The following DNAH5 variants were observed in gnomAD, a reference collection of about 807,000 sequenced individuals.
DNAH5 encodes the protein axonemal beta dynein heavy chain 5.
A neutral mutation model predicts 518.2 loss-of-function variants in DNAH5; 372 were observed. The observed-to-expected ratio is 0.72, with a 90% CI of 0.66 to 0.78. The LOEUF is 0.78. DNAH5 is among the 30% of genes least tolerant of loss of function. The pLI is 0.00. For synonymous variants in DNAH5, 2,039 were observed against 2,025.9 expected (o/e 1.01, Z -0.17); for missense variants, 5,523 against 5,687.0 (o/e 0.97, Z 0.93).
At chr5:13,985,963 C>T (rs1483324783) in intron 1 of DNAH5, among the ~76,000 whole-genome samples, 1 of 152,198 alleles carries the variant, frequency 6.6e-6, no homozygotes, top group Non-Finnish European at 1.5e-5. Context: ...TTCATCAGCC[C>T]TGCTTTCTCC....
intron 76 of DNAH5, among the ~76,000 whole-genome samples, chr5:13,705,288 C>T (rs781108878): frequency 5.3e-5 from 8 of 152,220 alleles, no homozygotes; most frequent in East Asian, 3.9e-4. Flanking sequence ...CCACTGCGCC[C>T]GGCTGCAATG....
intron 12 of DNAH5, among the ~76,000 whole-genome samples, chr5:13,903,699 A>C (rs1294144115): frequency 2.0e-5 from 3 of 152,138 alleles, no homozygotes; most frequent in Non-Finnish European, 4.4e-5. Context: ...AAAATCAGTG[A>C]ATAAAGATCT....
chr5:13,815,424 A>C (rs1416722496), intron 42 of DNAH5, among the ~76,000 whole-genome samples: 1 of 152,194 alleles, frequency 6.6e-6, no homozygotes, highest in Non-Finnish European at 1.5e-5. Flanking sequence ...ATCCTCATGA[A>C]CAAGATTAGT....
At chr5:13,800,701 A>G (rs757574482) in intron 47 of DNAH5, among the ~76,000 whole-genome samples, 4 of 152,152 alleles carry the variant, frequency 2.6e-5, no homozygotes, top group Non-Finnish European at 5.9e-5. Flanking sequence ...AATTTTACCT[A>G]GAATTTTTTT....
chr5:13,883,410 G>A lies in DNAH5; in HGVS notation c.2984-316C>T, dbSNP rs941780900. On this transcript the variant is annotated intron_variant, in intron 19 of 78. Coordinates refer to ENST00000265104, the MANE Select transcript of DNAH5 (RefSeq NM_001369.3). ...TAAAGATGATTCTTCCAAATAACAA[G>A]ATGCCAACAAATTAGCTAAATGTAG... is the stretch of plus-strand genomic sequence containing the variant. 6.4e-4 allele frequency among the ~76,000 whole-genome samples: 98 copies of A among 152,038 alleles called. 4 individuals are homozygous for A. The highest frequency in any genetic ancestry group is 7.4e-5 in the Non-Finnish European group (5 of 67,990).
chr5:13,693,301 A>T (rs1207326304), intron 78 of DNAH5, among the ~76,000 whole-genome samples: 2 of 152,218 alleles, frequency 1.3e-5, no homozygotes, highest in African/African-American at 4.8e-5. Context: ...AGAGTTATTG[A>T]ATTTATTTCT....
chr5:13,792,581 G>A (rs1757170093), intron 49 of DNAH5, among the ~76,000 whole-genome samples: 1 of 152,138 alleles, frequency 6.6e-6, no homozygotes. Flanking sequence ...TTCTGTCATT[G>A]CCTTTCCACG....
intron 1 of DNAH5, among the ~76,000 whole-genome samples, chr5:13,977,615 C>A (rs970641218): frequency 3.3e-5 from 5 of 152,130 alleles, no homozygotes; most frequent in African/African-American, 1.2e-4. Context: ...CCCTTTCTTG[C>A]CTCACTGGTT....
At position 13,871,745 on chromosome 5, in the gene DNAH5, A is replaced by G. The variant is rs376330483; in HGVS notation, c.3417T>C (p.Asp1139=). 1.9e-5 allele frequency: 30 copies of G among 1,613,516 alleles called. No homozygotes were observed. The highest frequency in any genetic ancestry group is 2.4e-5 in the Non-Finnish European group (28 of 1,179,716). Residue 1139 remains aspartate (D), a synonymous_variant, in exon 23 of 79, where the codon GAT becomes GAC. Transcript: ENST00000265104. The stretch of plus-strand genomic sequence containing the variant: ...AAATGTGATTGTAGCGTTTGAAGCA[A>G]TCCATGGATGTAATAACTTCCTGAA... ...STKKEVITSM[D]CFKRYNHIWQ...
At chr5:13,738,444 GA>G (rs1327968528) in intron 65 of DNAH5, among the ~76,000 whole-genome samples, 4 of 152,176 alleles carry the variant, frequency 2.6e-5, no homozygotes, top group Non-Finnish European at 4.4e-5. Flanking sequence ...GCAAGCAACT[GA>G]GCTGCAACTG....
chr5:13,922,720 C>G (rs1211357229), intron 4 of DNAH5, among the ~76,000 whole-genome samples: 1 of 126,566 alleles, frequency 7.9e-6, no homozygotes, highest in African/African-American at 3.4e-5. Flanking sequence ...AGAGCAAGAC[C>G]CTGTCTCAAA....
chr5:13,872,860 C>A (rs1010158121), intron 22 of DNAH5, among the ~76,000 whole-genome samples: 1 of 151,972 alleles, frequency 6.6e-6, no homozygotes, highest in African/African-American at 2.4e-5. Context: ...AATATCTTTG[C>A]ATATGGTTCT....
At chr5:13,699,328 A>G (rs879215404) in intron 78 of DNAH5, among the ~76,000 whole-genome samples, 2 of 152,128 alleles carry the variant, frequency 1.3e-5, no homozygotes, top group Non-Finnish European at 2.9e-5. Flanking sequence ...AGTCTCTGGG[A>G]GCTGGATCTG....
chr5:13,815,727 G>A (rs1761368409), intron 42 of DNAH5, among the ~76,000 whole-genome samples: 1 of 152,202 alleles, frequency 6.6e-6, no homozygotes, highest in Admixed American at 6.5e-5. Context: ...CAGTGGGAAA[G>A]ACAGAGCTAT....
At chr5:13,795,030 A>T (rs1188000358) in intron 47 of DNAH5, among the ~76,000 whole-genome samples, 1 of 152,108 alleles carries the variant, frequency 6.6e-6, no homozygotes, top group Non-Finnish European at 1.5e-5. Flanking sequence ...AAACTGAAAG[A>T]ACTGGGACAC....
At chr5:13,985,974 C>T (rs1783027834) in intron 1 of DNAH5, among the ~76,000 whole-genome samples, 2 of 152,186 alleles carry the variant, frequency 1.3e-5, no homozygotes, top group Non-Finnish European at 1.5e-5. Flanking sequence ...TGCTTTCTCC[C>T]GCTCCGTGAC....
chr5:13,834,763 C>A lies in DNAH5; in HGVS notation c.5883-3988G>T, dbSNP rs181580683. Among the ~76,000 whole-genome samples, 423 of 152,334 alleles carry A rather than the reference C, an allele frequency of 2.8e-3. 1 individual carries two copies. The highest frequency in any genetic ancestry group is 9.7e-3 in the African/African-American group (405 of 41,578). The stretch of plus-strand genomic sequence containing the variant: ...GGCTGCGCCACAGCTGTGCAAGGAG[C>A]AGGTGGCCTGAGCTGAATGAGGATA... On this transcript the variant is annotated intron_variant, in intron 35 of 78. Transcript: ENST00000265104.
Position 13,842,408 on chromosome 5 carries a change from G to C in DNAH5, c.5272-504C>G, listed in dbSNP as rs193198390. On this transcript the variant is annotated intron_variant, in intron 32 of 78. Coordinates refer to ENST00000265104, the MANE Select transcript of DNAH5 (RefSeq NM_001369.3). The stretch of plus-strand genomic sequence containing the variant: ...AAAAAGAAAGAAAGAAACAGAGCGA[G>C]AAAGAAAAGAAAAGAAAAGAAAGAA... Among the ~76,000 whole-genome samples the C allele has an allele frequency of 5.4e-3, 476 of 88,832 alleles. 1 individual carries two copies. Among genetic ancestry groups the C allele is most frequent in the African/African-American group, 0.02 (454 of 23,082 alleles). 58.3% of individuals were successfully genotyped at this position (88,832 alleles called of 152,430 possible).
chr5:13,882,019 A>T (rs1771745624), intron 21 of DNAH5, among the ~76,000 whole-genome samples: 1 of 152,120 alleles, frequency 6.6e-6, no homozygotes. Flanking sequence ...AATACAAATT[A>T]TCATGAGAAT....
Sources: gnomAD v4.1 joint callset for allele counts (sites outside exome capture counted in the v4.1 genomes callset) on GRCh38, gnomAD v4.1.1 for gene constraint, MANE v1.5 for transcripts, NCBI Gene and HGNC (gene_info 2026-07-23, HGNC 2026-07-21) for gene names.